CDH4: variants seen among roughly 807,000 people sequenced by gnomAD.
CDH4 encodes the protein cadherin-4.
A neutral mutation model predicts 86.0 loss-of-function variants in CDH4; 33 were observed. The observed-to-expected ratio is 0.38, with a 90% CI of 0.29 to 0.51. CDH4 has a LOEUF of 0.51. Among genes scored for constraint, CDH4 ranks in the 20% least tolerant of loss-of-function variants. The pLI, the probability that CDH4 is intolerant of heterozygous loss-of-function variation, is 0.86. For missense variants in CDH4, 1,114 were observed against 1,307.4 expected (o/e 0.85, Z 2.28); for synonymous variants, 555 against 549.4 (o/e 1.01, Z -0.14).
intron 2 of CDH4, among the ~76,000 whole-genome samples, chr20:61,319,709 G>T (rs2084497597): frequency 6.6e-6 from 1 of 151,994 alleles, no homozygotes; most frequent in South Asian, 2.1e-4. Context: ...ACTTTGGGAG[G>T]TGGAGGTGGA....
chr20:61,917,696 C>T (rs2054919338), intron 9 of CDH4, among the ~76,000 whole-genome samples: 1 of 152,278 alleles, frequency 6.6e-6, no homozygotes, highest in Non-Finnish European at 1.5e-5. Flanking sequence ...GGCACACGCC[C>T]AGCTGCTCAC....
intron 2 of CDH4, among the ~76,000 whole-genome samples, chr20:61,619,869 G>A (rs2145772187): frequency 6.6e-6 from 1 of 152,370 alleles, no homozygotes; most frequent in East Asian, 1.9e-4. Context: ...TAGGGCCTCT[G>A]ATGATGGCAG....
Position 61,299,295 on chromosome 20 carries a change from C to G in CDH4, c.169+44358C>G, listed in dbSNP as rs368350617. ...GGAGCCCCGGGGACTGCCACAGCCC[C>G]AGATGGTGAGGGCTCCTCCCAATGG... On this transcript the variant is annotated intron_variant, in intron 2 of 15. Transcript: ENST00000614565. Among the ~76,000 whole-genome samples, 69 of 152,282 alleles carry G rather than the reference C, an allele frequency of 4.5e-4. No individual in the cohort carries two copies. In the East Asian group the frequency reaches 0.011, roughly 25 times the overall value.
At chr20:61,741,389 C>A (rs1413650990) in intron 2 of CDH4, among the ~76,000 whole-genome samples, 1 of 152,220 alleles carries the variant, frequency 6.6e-6, no homozygotes, top group African/African-American at 2.4e-5. Flanking sequence ...GTTCATATGG[C>A]TGACGCCACC....
At position 61,450,646 on chromosome 20, in the gene CDH4, G is replaced by A. The variant is rs111969746; in HGVS notation, c.169+195709G>A. 2.9e-3 allele frequency among the ~76,000 whole-genome samples: 437 copies of A among 151,994 alleles called. 3 individuals are homozygous for A. Among genetic ancestry groups the A allele is most frequent in the African/African-American group, 9.8e-3 (406 of 41,502 alleles). On this transcript the variant is annotated intron_variant, in intron 2 of 15. Coordinates refer to ENST00000614565, the MANE Select transcript of CDH4 (RefSeq NM_001794.5). The stretch of plus-strand genomic sequence containing the variant: ...TTAAAAGCTCAGTTCCCTCATCATT[G>A]TCCCAAACCGAGAAGGTGTCTGAGC...
intron 2 of CDH4, among the ~76,000 whole-genome samples, chr20:61,439,462 A>C (rs1001589974): frequency 2.6e-5 from 4 of 152,190 alleles, no homozygotes; most frequent in Non-Finnish European, 5.9e-5. Flanking sequence ...CAGGGCATGC[A>C]AGATGGCACA....
chr20:61,637,430 G>A (rs565858260), intron 2 of CDH4, among the ~76,000 whole-genome samples: 6 of 152,290 alleles, frequency 3.9e-5, no homozygotes, highest in African/African-American at 7.2e-5. Context: ...CAGTGTGAAC[G>A]TTGGAGGCGC....
At chr20:61,455,419 A>G (rs1180092415) in intron 2 of CDH4, among the ~76,000 whole-genome samples, 1 of 152,204 alleles carries the variant, frequency 6.6e-6, no homozygotes, top group African/African-American at 2.4e-5. Context: ...TGAATTGGTG[A>G]AGAGCTCTAG....
chr20:61,419,559 C>T (rs928619055), intron 2 of CDH4, among the ~76,000 whole-genome samples: 1 of 152,174 alleles, frequency 6.6e-6, no homozygotes, highest in African/African-American at 2.4e-5. Flanking sequence ...GCTTCCAGGC[C>T]AGCCACAGCG....
chr20:61,677,948 T>G (rs916790305), intron 2 of CDH4, among the ~76,000 whole-genome samples: 14 of 151,838 alleles, frequency 9.2e-5, no homozygotes, highest in Non-Finnish European at 1.5e-5. Flanking sequence ...TTTGGAGGAA[T>G]GGATGATAGA....
intron 4 of CDH4, among the ~76,000 whole-genome samples, chr20:61,830,651 G>T (rs947235589): frequency 8.5e-5 from 13 of 152,256 alleles, no homozygotes; most frequent in African/African-American, 2.9e-4. Flanking sequence ...GAGAGACACT[G>T]AAATGAACTT....
In CDH4 at chr20:61,528,196, C is replaced by T. The variant is rs186924614; in HGVS notation, c.170-215367C>T. Among the ~76,000 whole-genome samples, 1,085 of 148,628 alleles carry T rather than the reference C, an allele frequency of 7.3e-3. 8 individuals are homozygous for T. The highest frequency in any genetic ancestry group is 9.5e-3 in the Non-Finnish European group (636 of 67,218). Reference sequence around the variant, plus strand: ...TTCAAGACCAGCTTGGCCAACATGGCGAAACCCCATTTCTACTAAAAATAC... The same window carrying T: ...TTCAAGACCAGCTTGGCCAACATGGTGAAACCCCATTTCTACTAAAAATAC... On this transcript the variant is annotated intron_variant, in intron 2 of 15. Transcript: ENST00000614565.
At chr20:61,374,544 T>C (rs559969018) in intron 2 of CDH4, among the ~76,000 whole-genome samples, 91 of 152,296 alleles carry the variant, frequency 6.0e-4, no homozygotes, top group Non-Finnish European at 1.1e-3. Flanking sequence ...AGCTGTGAGA[T>C]GGGATGACGG....
chr20:61,747,944 A>T (rs932043296), intron 3 of CDH4, among the ~76,000 whole-genome samples: 85 of 28,800 alleles, frequency 3.0e-3, no homozygotes, highest in African/African-American at 0.018. Context: ...GAAATATTTA[A>T]AAAAAAAAAC....
chr20:61,819,369 G>A (rs574124274), intron 4 of CDH4, among the ~76,000 whole-genome samples: 16 of 152,326 alleles, frequency 1.1e-4, no homozygotes, highest in African/African-American at 2.6e-4. Context: ...GCATGAGCAC[G>A]CGTCGCTCGC....
In CDH4 at chr20:61,499,510, A is replaced by C. The variant is rs1160513244; in HGVS notation, c.170-244053A>C. 3 of 1,286,592 alleles carry C rather than the reference A, an allele frequency of 2.3e-6. No homozygotes were observed. The African/African-American group carries it at 4.7e-5, about 20-fold the overall frequency. 79.7% of individuals were successfully genotyped at this position (1,286,592 alleles called of 1,614,324 possible). A position where few individuals can be genotyped will look rare whatever the true frequency, so the allele number is the denominator to read the frequency against. ...TAAAGAAGGCAAGTGTGAGTGTGCT[A>C]GGGGGGCTTAGGGTTGTTTGTGGGC... On this transcript the variant is annotated intron_variant, in intron 2 of 15. Coordinates refer to ENST00000614565, the MANE Select transcript of CDH4 (RefSeq NM_001794.5).
chr20:61,846,449 C>T (rs182186945), intron 5 of CDH4, among the ~76,000 whole-genome samples: 1 of 152,288 alleles, frequency 6.6e-6, no homozygotes, highest in African/African-American at 2.4e-5. Context: ...AACCGGAACT[C>T]AACAGCCCTT....
At chr20:61,390,262 G>A (rs1359588868) in intron 2 of CDH4, among the ~76,000 whole-genome samples, 1 of 147,962 alleles carries the variant, frequency 6.8e-6, no homozygotes. Flanking sequence ...GGTTCGTGCG[G>A]TCATAGGGTG....
intron 7 of CDH4, among the ~76,000 whole-genome samples, chr20:61,894,294 A>G (rs1984993460): frequency 6.6e-6 from 1 of 152,196 alleles, no homozygotes; most frequent in African/African-American, 2.4e-5. Context: ...ATGCCTAATA[A>G]AATGCATTCA....
Sources: gnomAD v4.1 joint callset for allele counts (sites outside exome capture counted in the v4.1 genomes callset) on GRCh38, gnomAD v4.1.1 for gene constraint, MANE v1.5 for transcripts, NCBI Gene and HGNC (gene_info 2026-07-23, HGNC 2026-07-21) for gene names.